TRPC1: variants seen among roughly 807,000 people sequenced by gnomAD.
The protein encoded by TRPC1 is short transient receptor potential channel 1.
TRPC1 carries 42 observed loss-of-function variants against 88.2 expected under a neutral mutation model. The ratio of observed to expected loss-of-function variants is 0.48; its 90% CI spans 0.37 to 0.62. TRPC1 has a LOEUF of 0.62. TRPC1 is among the 20% of genes least tolerant of loss of function. TRPC1 has a pLI of 0.00. For synonymous variants in TRPC1, 288 were observed against 331.8 expected, an observed-to-expected ratio of 0.87 and a Z score of 1.43; for missense variants, 699 against 957.3, an observed-to-expected ratio of 0.73 and a Z score of 3.56.
intron 4 of TRPC1, among the ~76,000 whole-genome samples, chr3:142,768,964 A>G (rs903526048): frequency 1.3e-5 from 2 of 152,012 alleles, no homozygotes; most frequent in Non-Finnish European, 1.5e-5. Context: ...ATATTCATAT[A>G]TAGTCTTTTA....
At chr3:142,730,219 A>C (rs569912993) in intron 1 of TRPC1, among the ~76,000 whole-genome samples, 1 of 152,030 alleles carries the variant, frequency 6.6e-6, no homozygotes, top group Non-Finnish European at 1.5e-5. Context: ...GCTTTTGACT[A>C]TTTTTCTAAT....
Position 142,776,195 on chromosome 3 carries a change from G to T in TRPC1, c.633-1437G>T, listed in dbSNP as rs926158201. Among the ~76,000 whole-genome samples the T allele has an allele frequency of 3.3e-5, 5 of 152,114 alleles. No homozygotes were observed. The highest frequency in any genetic ancestry group is 5.9e-5 in the Non-Finnish European group (4 of 68,022). On this transcript the variant is annotated intron_variant, in intron 4 of 12. Transcript: ENST00000476941. This position sits in a 1 kb window ranked among gnomAD's most constrained non-coding sequence, Gnocchi z 4.1. ...CTTTATTATGTCTGATTATGTTCGT[G>T]TGTGAGTAGAAAATATCAGGGAGGA...
At chr3:142,788,543 C>T (rs1277810176) in intron 7 of TRPC1, among the ~76,000 whole-genome samples, 1 of 151,764 alleles carries the variant, frequency 6.6e-6, no homozygotes, top group Non-Finnish European at 1.5e-5. Flanking sequence ...TTAAATATCC[C>T]TTTTAGGGAT....
chr3:142,805,376 A>C (rs1326111458), intron 12 of TRPC1, among the ~76,000 whole-genome samples: 3 of 152,118 alleles, frequency 2.0e-5, no homozygotes, highest in Non-Finnish European at 2.9e-5. Flanking sequence ...TCAATAATTC[A>C]ATATATGTTA....
At chr3:142,791,334 AC>A (rs1399894556) in intron 8 of TRPC1, among the ~76,000 whole-genome samples, 176 bp downstream of exon 8, 1 of 152,114 alleles carries the variant, frequency 6.6e-6, no homozygotes, top group East Asian at 1.9e-4. Context: ...TACAGGTGTT[AC>A]TTACCTTTAC....
At chr3:142,742,854 A>T (rs1409461856) in intron 2 of TRPC1, among the ~76,000 whole-genome samples, 3 of 152,168 alleles carry the variant, frequency 2.0e-5, no homozygotes, top group Non-Finnish European at 4.4e-5. Context: ...AGTGAGCTAT[A>T]GACTGGGAGC....
At chr3:142,777,508 A>G (rs951159911) in intron 4 of TRPC1, 124 bp from the exon 5 acceptor site, 49 of 532,156 alleles carry the variant, frequency 9.2e-5, no homozygotes, top group Non-Finnish European at 1.3e-4. Flanking sequence ...TGTAATAAAT[A>G]TATCTGTAGT....
intron 3 of TRPC1, among the ~76,000 whole-genome samples, chr3:142,746,947 CTT>C: frequency 6.6e-6 from 1 of 152,036 alleles, no homozygotes; most frequent in East Asian, 1.9e-4. Context: ...GCAAAACACT[CTT>C]TTCATAAAGA....
At chr3:142,801,259 G>A (rs1936611049) in intron 9 of TRPC1, 1 of 151,888 alleles carries the variant, frequency 6.6e-6, no homozygotes, top group African/African-American at 2.4e-5. Flanking sequence ...GTTCTTGCGG[G>A]AAAGTCCCCC....
At chr3:142,748,157 A>C in intron 3 of TRPC1, 101 bp from the exon 4 acceptor site, 1 of 1,092,162 alleles carries the variant, frequency 9.2e-7, no homozygotes, top group Non-Finnish European at 1.3e-6. Flanking sequence ...ATAATTCTTA[A>C]GTTCTTTGTG....
At chr3:142,763,983 T>TACAC (rs57709436) in intron 4 of TRPC1, among the ~76,000 whole-genome samples, 77 of 74,094 alleles carry the variant, frequency 1.0e-3, no homozygotes, top group Non-Finnish European at 1.4e-3. Context: ...TATATATATA[T>TACAC]ACACATACAT....
chr3:142,761,722 A>C (rs1935190368), intron 4 of TRPC1, among the ~76,000 whole-genome samples: 1 of 152,042 alleles, frequency 6.6e-6, no homozygotes, highest in Non-Finnish European at 1.5e-5. Context: ...TTTGATGGGA[A>C]ACTTTTTATT....
intron 4 of TRPC1, among the ~76,000 whole-genome samples, chr3:142,760,814 T>C (rs1935157336): frequency 6.6e-6 from 1 of 152,146 alleles, no homozygotes; most frequent in Non-Finnish European, 1.5e-5. Flanking sequence ...TTAGATTGAT[T>C]CCTAGTTTGT....
intron 9 of TRPC1, among the ~76,000 whole-genome samples, chr3:142,797,177 T>TG (rs1369967585): frequency 5.0e-5 from 6 of 119,086 alleles, no homozygotes; most frequent in Non-Finnish European, 1.1e-4. Flanking sequence ...AAAAGGTTGT[T>TG]TTTTTTTTTT....
rs886456188 is a variant in TRPC1, at chr3:142,776,700, C to T, written c.633-932C>T. Among the ~76,000 whole-genome samples, 3 of 151,744 alleles carry T rather than the reference C, an allele frequency of 2.0e-5. No individual in the cohort carries two copies. The highest frequency in any genetic ancestry group is 4.4e-5 in the Non-Finnish European group (3 of 67,936). The stretch of plus-strand genomic sequence containing the variant: ...TGGCTGGATCACAAGGTCAGGAGAT[C>T]GAGACGATCCTGGCCAACATGGTGA... On this transcript the variant is annotated intron_variant, in intron 4 of 12. Transcript: ENST00000476941. The surrounding 1 kb of genome is among the most constrained non-coding windows in gnomAD (Gnocchi z 4.1).
At chr3:142,788,379 G>A (rs559634357) in intron 7 of TRPC1, among the ~76,000 whole-genome samples, 2 of 152,154 alleles carry the variant, frequency 1.3e-5, no homozygotes, top group African/African-American at 4.8e-5. Context: ...GTAGGACATC[G>A]AAATACATAG....
chr3:142,733,759 T>C (rs1934022788), intron 1 of TRPC1, among the ~76,000 whole-genome samples: 1 of 152,160 alleles, frequency 6.6e-6, no homozygotes, highest in African/African-American at 2.4e-5. Context: ...ATAGCTAAAA[T>C]ATAATGAACA....
intron 1 of TRPC1, among the ~76,000 whole-genome samples, chr3:142,729,705 A>G (rs906677946): frequency 6.6e-6 from 1 of 152,134 alleles, no homozygotes; most frequent in African/African-American, 2.4e-5. Flanking sequence ...AGTGCTCTAA[A>G]TATCTTCTTC....
intron 12 of TRPC1, among the ~76,000 whole-genome samples, chr3:142,805,119 AATAT>A (rs202232627): frequency 0.028 from 2,694 of 95,972 alleles, 70 homozygotes; most frequent in African/African-American, 0.11. Context: ...CAAACAAACA[AATAT>A]ATATATACAC....
Sources: allele counts gnomAD v4.1 joint callset (sites outside exome capture counted in the v4.1 genomes callset), GRCh38; gene constraint gnomAD v4.1.1; non-coding constraint Gnocchi (gnomAD v3.1); transcripts MANE v1.5; gene names NCBI Gene and HGNC (gene_info 2026-07-23, HGNC 2026-07-21).